Variants in ANKAR observed in about 807,000 individuals in gnomAD.
ANKAR encodes ankyrin and armadillo repeat containing.
Under a neutral mutation model 146.2 loss-of-function variants are expected in ANKAR, and 136 were observed. That is an observed-to-expected ratio of 0.93 (90% CI 0.81 to 1.07). ANKAR has a LOEUF of 1.07. Ranked by LOEUF, ANKAR falls within the 50% of genes least tolerant of loss-of-function variation. The pLI, the probability that ANKAR is intolerant of heterozygous loss-of-function variation, is 0.00. For missense variants in ANKAR, 1,567 were observed against 1,679.9 expected, an observed-to-expected ratio of 0.93 and a Z score of 1.18; for synonymous variants, 500 against 575.8, an observed-to-expected ratio of 0.87 and a Z score of 1.88.
chr2:189,735,254 C>A (rs1182318301), intron 17 of ANKAR, among the ~76,000 whole-genome samples: 1 of 152,064 alleles, frequency 6.6e-6, no homozygotes, highest in Non-Finnish European at 1.5e-5. Flanking sequence ...CTGCATTTGG[C>A]TTATAATAGA....
At chr2:189,691,828 C>T (rs956073854) in intron 3 of ANKAR, among the ~76,000 whole-genome samples, 3 of 151,832 alleles carry the variant, frequency 2.0e-5, no homozygotes, top group Non-Finnish European at 2.9e-5. Flanking sequence ...GTGGCATGAT[C>T]TCAGCTCACT....
chr2:189,726,242 G>T (rs1169062302), intron 12 of ANKAR, among the ~76,000 whole-genome samples: 1 of 152,158 alleles, frequency 6.6e-6, no homozygotes, highest in Non-Finnish European at 1.5e-5. Flanking sequence ...GAGAAACTGG[G>T]TGATCAAAAT....
chr2:189,745,247 G>T (rs1268221523), intron 22 of ANKAR, among the ~76,000 whole-genome samples: 2 of 151,402 alleles, frequency 1.3e-5, no homozygotes, highest in East Asian at 1.9e-4. Flanking sequence ...CTTCTCTTTT[G>T]TAATTCTGTC....
At position 189,746,342 on chromosome 2, in the gene ANKAR, G is replaced by A. The variant is rs565747921; in HGVS notation, c.4058-38G>A. 6.4e-6 allele frequency: 10 copies of A among 1,562,430 alleles called. No homozygotes were observed. The South Asian group carries it at 7.4e-5, about 12-fold the overall frequency. On this transcript the variant is annotated intron_variant, in intron 22 of 22. Transcript: ENST00000684021. ...TAGAAGTAATGAGACTATACCTAGG[G>A]CTCTCAGGAGAGACATTTAATTGTG...
Position 189,711,155 on chromosome 2 carries a change from T to A in ANKAR, c.2224+2T>A, listed in dbSNP as rs753849615. 3.7e-6 allele frequency: 6 copies of A among 1,601,394 alleles called. No homozygotes were observed. The highest frequency in any genetic ancestry group is 5.1e-6 in the Non-Finnish European group (6 of 1,170,054). On this transcript the variant is annotated splice_donor_variant, in intron 10 of 22. Coordinates refer to ENST00000684021, the MANE Select transcript of ANKAR (RefSeq NM_001378068.1). LOFTEE classifies it high-confidence loss of function. The stretch of plus-strand genomic sequence containing the variant: ...ACTGGAGATGTATTTTGGATGCAGG[T>A]GATGCAAACTCTATTAATAACTTTT...
chr2:189,721,235 C>T (rs571377858), intron 12 of ANKAR, among the ~76,000 whole-genome samples: 2 of 152,264 alleles, frequency 1.3e-5, no homozygotes, highest in African/African-American at 4.8e-5. Flanking sequence ...ATCTACCCGA[C>T]TCAGCCTCCC....
In ANKAR at chr2:189,707,081, C is replaced by A. The variant is rs539629883; in HGVS notation, c.2054C>A (p.Thr685Lys). The stretch of plus-strand genomic sequence containing the variant: ...CATTTATCAGTGTTAACCTTTCATA[C>A]AGAGGTTCTCAAATATATAATAAAA... Reference protein sequence around the residue: ...IIHLSVLTFHTEVLKYIIKLN... With the variant: ...IIHLSVLTFHKEVLKYIIKLN... The change falls in exon 9 of 23, where the codon ACA becomes AAA. Residue 685 changes from threonine to lysine, a missense_variant. Physicochemically the swap from Thr to Lys is moderately conservative, Grantham distance 78. Transcript: ENST00000684021. 6 of 1,604,286 alleles carry A rather than the reference C, an allele frequency of 3.7e-6. No individual in the cohort carries two copies. In the South Asian group the frequency reaches 6.7e-5, roughly 18 times the overall value.
At chr2:189,734,195 T>G (rs1166795747) in intron 17 of ANKAR, among the ~76,000 whole-genome samples, 2 of 152,242 alleles carry the variant, frequency 1.3e-5, no homozygotes, top group Non-Finnish European at 2.9e-5. Context: ...GGGTCTGCCA[T>G]AGTTCTTCGC....
At chr2:189,705,597 G>A (rs1224074246) in intron 8 of ANKAR, among the ~76,000 whole-genome samples, 2 of 152,196 alleles carry the variant, frequency 1.3e-5, no homozygotes, top group Admixed American at 1.3e-4. Context: ...CCTGGAAGAA[G>A]CCTGAGACTA....
Position 189,743,257 on chromosome 2 carries a change from A to G in ANKAR, c.3811-18A>G, listed in dbSNP as rs2043628015. Reference sequence around the variant, plus strand: ...GAACAAAGCCCACTGGTTAAGAAAGAATTGTTTCTTCATTTAGGTTCGTGC... The same window carrying G: ...GAACAAAGCCCACTGGTTAAGAAAGGATTGTTTCTTCATTTAGGTTCGTGC... On this transcript the variant is annotated intron_variant, in intron 20 of 22. Transcript: ENST00000684021. 1 of 1,607,404 alleles carries G rather than the reference A, an allele frequency of 6.2e-7. No individual in the cohort carries two copies. Among genetic ancestry groups the G allele is most frequent in the African/African-American group, 1.3e-5 (1 of 74,692 alleles).
intron 22 of ANKAR, among the ~76,000 whole-genome samples, chr2:189,744,990 T>TCTACTACTACTACTACTA (rs543460540): frequency 1.7e-4 from 19 of 112,410 alleles, no homozygotes; most frequent in South Asian, 2.9e-4. Flanking sequence ...AAACCCCATC[T>TCTACTACTACTACTACTA]CTACTACTAC....
rs549721605 is a variant in ANKAR at position 189,715,159 on chromosome 2, T to C, written c.2224+4006T>C. Reference sequence around the variant, plus strand: ...ATCAATGAATCCAGGAGCTGGTTTGTTGAAAAGATCAACAAAACTGATAGA... The same window carrying C: ...ATCAATGAATCCAGGAGCTGGTTTGCTGAAAAGATCAACAAAACTGATAGA... On this transcript the variant is annotated intron_variant, in intron 10 of 22. Transcript: ENST00000684021. 2.0e-5 allele frequency among the ~76,000 whole-genome samples: 3 copies of C among 152,016 alleles called. No individual in the cohort carries two copies. The East Asian group carries it at 5.8e-4, about 30-fold the overall frequency.
rs182923298 is a variant in ANKAR, at chr2:189,678,537, G to A, written c.601+1446G>A. Among the ~76,000 whole-genome samples, 156 of 152,200 alleles carry A rather than the reference G, an allele frequency of 1.0e-3. No individual in the cohort carries two copies. In the Middle Eastern group the frequency reaches 0.031, roughly 30 times the overall value. ...AGCCAATGTCTAGAAGGGTTTGTCCGAGTTATCTTCTACAATTTTTATGGT... is the reference window on the plus strand; with the variant it reads ...AGCCAATGTCTAGAAGGGTTTGTCCAAGTTATCTTCTACAATTTTTATGGT... On this transcript the variant is annotated intron_variant, in intron 2 of 22. Coordinates refer to ENST00000684021, the MANE Select transcript of ANKAR (RefSeq NM_001378068.1).
intron 2 of ANKAR, among the ~76,000 whole-genome samples, chr2:189,688,013 A>G (rs190202783): frequency 7.6e-4 from 116 of 152,212 alleles, no homozygotes; most frequent in Middle Eastern, 3.4e-3. Flanking sequence ...TGTGCTTGTG[A>G]GGTATTACTC....
intron 20 of ANKAR, among the ~76,000 whole-genome samples, chr2:189,742,566 TAATA>T (rs1025084468): frequency 7.9e-5 from 12 of 152,036 alleles, no homozygotes; most frequent in Non-Finnish European, 1.3e-4. Flanking sequence ...TTTTTTAAAG[TAATA>T]AATAAATAAA....
In ANKAR at chr2:189,719,696, A is replaced by G; in HGVS notation, c.2349A>G (p.Gly783=). The change falls in exon 11 of 23, where the codon GGA becomes GGG. Residue 783 remains glycine, a synonymous_variant. Coordinates refer to ENST00000684021, the MANE Select transcript of ANKAR (RefSeq NM_001378068.1). The stretch of plus-strand genomic sequence containing the variant: ...CAGTGCATGCTTTGGTAGAAGCGGG[A>G]GGCATTCCATCTCTAATCAACCTAC... ...KSAVHALVEA[G]GIPSLINLLV... 1 of 1,614,176 alleles carries G rather than the reference A, an allele frequency of 6.2e-7. No individual in the cohort carries two copies. Among genetic ancestry groups the G allele is most frequent in the South Asian group, 1.1e-5 (1 of 91,084 alleles).
Position 189,689,969 on chromosome 2 carries a change from G to T in ANKAR, c.1039+5G>T. ...GTCTGCTTCAGCCTTTTTCAGGTAA[G>T]AGTATCACCAAAAATCAAATATAAA... On this transcript the variant is annotated splice_donor_5th_base_variant and intron_variant, in intron 3 of 22. Coordinates refer to ENST00000684021, the MANE Select transcript of ANKAR (RefSeq NM_001378068.1). The T allele has an allele frequency of 6.8e-7, 1 of 1,476,336 alleles. No homozygotes were observed. The highest frequency in any genetic ancestry group is 1.6e-5 in the South Asian group (1 of 64,436). The allele number at this position is 1,476,336 out of a possible 1,614,324, so 91.5% of individuals were successfully genotyped here.
At chr2:189,753,681 A>G (rs2045637402) in intron 18 of ANKAR, among the ~76,000 whole-genome samples, 1 of 152,204 alleles carries the variant, frequency 6.6e-6, no homozygotes, top group South Asian at 2.1e-4. Flanking sequence ...TTTAAATCCA[A>G]CAAGAAGATG....
chr2:189,710,837 A>G (rs887565397), intron 9 of ANKAR, among the ~76,000 whole-genome samples: 13 of 152,206 alleles, frequency 8.5e-5, no homozygotes, highest in Non-Finnish European at 1.9e-4. Flanking sequence ...CACTAATTAT[A>G]TAGACTATAA....
Sources: allele counts gnomAD v4.1 joint callset (sites outside exome capture counted in the v4.1 genomes callset), GRCh38; gene constraint gnomAD v4.1.1; transcripts MANE v1.5; gene names NCBI Gene and HGNC (gene_info 2026-07-23, HGNC 2026-07-21).